Variants in MYOF observed in about 807,000 individuals in gnomAD.
MYOF encodes fer-1-like 3, myoferlin.
In MYOF, 244 loss-of-function variants were observed where a neutral mutation model predicts 284.2. The ratio of observed to expected loss-of-function variants is 0.86; its 90% CI spans 0.77 to 0.95. The LOEUF (loss-of-function observed/expected upper bound fraction) is 0.95. Ranked by LOEUF, MYOF falls within the 40% of genes least tolerant of loss-of-function variation. The pLI, the probability that MYOF is intolerant of heterozygous loss-of-function variation, is 0.00. For missense variants in MYOF, 2,496 were observed against 2,560.6 expected (o/e 0.97, Z 0.54); for synonymous variants, 904 against 919.7 (o/e 0.98, Z 0.31).
intron 51 of MYOF, 40 bp downstream of exon 51, chr10:93,312,980 G>A (rs1842459321): frequency 1.3e-6 from 2 of 1,562,084 alleles, no homozygotes; most frequent in Non-Finnish European, 1.7e-6. Context: ...ATGATAAAAG[G>A]CATAAACGAT....
chr10:93,463,578 T>C (rs2056934231), intron 1 of MYOF, among the ~76,000 whole-genome samples: 4 of 151,648 alleles, frequency 2.6e-5, no homozygotes, highest in Admixed American at 2.6e-4. Context: ...TTTTGTATTT[T>C]AGTAGAGATG....
chr10:93,352,849 A>G (rs1330692673), intron 32 of MYOF, among the ~76,000 whole-genome samples: 5 of 152,214 alleles, frequency 3.3e-5, no homozygotes, highest in African/African-American at 1.2e-4. Flanking sequence ...AAAATATTTG[A>G]AAATGTCTTC....
intron 36 of MYOF, among the ~76,000 whole-genome samples, 167 bp downstream of exon 36, chr10:93,349,641 C>T (rs1443523844): frequency 6.6e-6 from 1 of 152,122 alleles, no homozygotes; most frequent in Non-Finnish European, 1.5e-5. Context: ...ATCATCACTA[C>T]AGTGGGAGAA....
In MYOF at chr10:93,402,348, C is replaced by G; in HGVS notation, c.875-1G>C. 6.2e-6 allele frequency: 10 copies of G among 1,609,810 alleles called. No homozygotes were observed. The highest frequency in any genetic ancestry group is 8.5e-6 in the Non-Finnish European group (10 of 1,176,324). On this transcript the variant is annotated splice_acceptor_variant, in intron 10 of 53. Coordinates refer to ENST00000359263, the MANE Select transcript of MYOF (RefSeq NM_013451.4). LOFTEE classifies it high-confidence loss of function. The stretch of plus-strand genomic sequence containing the variant: ...AGCCACTTTCTCATGACAGCATGGC[C>G]TAAAATAGAGAAGGAGTAAAAGGAA...
At chr10:93,323,466 C>CTAAT (rs1463084834) in intron 46 of MYOF, 108 bp from the exon 47 acceptor site, 1 of 954,274 alleles carries the variant, frequency 1.0e-6, no homozygotes, top group African/African-American at 1.7e-5. Context: ...TTTGGTCTCT[C>CTAAT]TAATTTATTA....
chr10:93,310,416 C>G, intron 52 of MYOF, 118 bp downstream of exon 52: 2 of 1,088,572 alleles, frequency 1.8e-6, no homozygotes, highest in South Asian at 3.1e-5. Flanking sequence ...CCACCCACCA[C>G]TATTAAATAC....
chr10:93,465,584 G>A (rs1336317463), intron 1 of MYOF, among the ~76,000 whole-genome samples: 1 of 115,094 alleles, frequency 8.7e-6, no homozygotes. Context: ...GCACAATCTC[G>A]GCTCACTGCA....
intron 7 of MYOF, among the ~76,000 whole-genome samples, chr10:93,406,288 T>TTATTTATATATATATATATATATA (rs1554855590): frequency 2.2e-4 from 13 of 58,150 alleles, no homozygotes; most frequent in Middle Eastern, 0.01. Flanking sequence ...TAAACCTCTT[T>TTATTTATATATATATATATATATA]TATATATATA....
rs1847764699 is a variant in MYOF, at chr10:93,408,934, A to T, written c.601-19T>A. ...CGCGGATCTGCAGCACAGAAGGGGG[A>T]TGGTTACCCAACCTTTCCCAGCACG... On this transcript the variant is annotated intron_variant, in intron 6 of 53. Transcript: ENST00000359263. The T allele has an allele frequency of 6.2e-7, 1 of 1,613,268 alleles. No individual in the cohort carries two copies. Among genetic ancestry groups the T allele is most frequent in the South Asian group, 1.1e-5 (1 of 91,006 alleles).
At chr10:93,311,949 A>AATG (rs1213525066) in intron 51 of MYOF, among the ~76,000 whole-genome samples, 2 of 152,230 alleles carry the variant, frequency 1.3e-5, no homozygotes, top group African/African-American at 4.8e-5. Context: ...GGGAGGGAGC[A>AATG]ATGGACTGCA....
At position 93,456,876 on chromosome 10, in the gene MYOF, A is replaced by G. The variant is rs780353918; in HGVS notation, c.144+6T>C. The G allele has an allele frequency of 6.3e-7, 1 of 1,597,702 alleles. No homozygotes were observed. The highest frequency in any genetic ancestry group is 8.5e-7 in the Non-Finnish European group (1 of 1,170,234). Reference sequence around the variant, plus strand: ...TAAAACAAAGTTGAAAAAACAATGAAGTCACCTCATTCCAGACAGGGTTCA... The same window carrying G: ...TAAAACAAAGTTGAAAAAACAATGAGGTCACCTCATTCCAGACAGGGTTCA... On this transcript the variant is annotated splice_donor_region_variant and intron_variant, in intron 2 of 53. Transcript: ENST00000359263.
intron 23 of MYOF, among the ~76,000 whole-genome samples, chr10:93,373,507 G>A (rs1845687733): frequency 7.1e-6 from 1 of 141,146 alleles, no homozygotes; most frequent in African/African-American, 2.6e-5. Context: ...TATTAATTTT[G>A]TTTTCAAAAA....
intron 19 of MYOF, among the ~76,000 whole-genome samples, 171 bp downstream of exon 19, chr10:93,387,626 A>G (rs1846447264): frequency 6.6e-6 from 1 of 152,188 alleles, no homozygotes; most frequent in Non-Finnish European, 1.5e-5. Flanking sequence ...CCAGTTTTCA[A>G]TAGGGTATTA....
At chr10:93,375,858 G>A (rs1456982783) in intron 22 of MYOF, among the ~76,000 whole-genome samples, 1 of 152,162 alleles carries the variant, frequency 6.6e-6, no homozygotes, top group Non-Finnish European at 1.5e-5. Context: ...AAGGGTTCCT[G>A]AGAATGGCTG....
chr10:93,317,644 A>C (rs1478182163), intron 49 of MYOF, among the ~76,000 whole-genome samples: 1 of 152,158 alleles, frequency 6.6e-6, no homozygotes, highest in Non-Finnish European at 1.5e-5. Flanking sequence ...GAAACAAAAC[A>C]AAACAAAACA....
At chr10:93,414,122 C>T (rs930352198) in intron 5 of MYOF, among the ~76,000 whole-genome samples, 1 of 152,236 alleles carries the variant, frequency 6.6e-6, no homozygotes. Context: ...TCCTTCCTGT[C>T]TCTTCCTAGC....
chr10:93,418,709 G>A (rs895471906), intron 5 of MYOF, among the ~76,000 whole-genome samples: 1 of 152,144 alleles, frequency 6.6e-6, no homozygotes, highest in Non-Finnish European at 1.5e-5. Flanking sequence ...ATACAGACTC[G>A]GGGCTCCCCT....
chr10:93,363,189 G>C (rs1249157488), intron 27 of MYOF, among the ~76,000 whole-genome samples: 3 of 152,214 alleles, frequency 2.0e-5, no homozygotes, highest in Admixed American at 6.5e-5. Context: ...CTATGAAACT[G>C]TGTGTGCAAC....
At position 93,458,159 on chromosome 10, in the gene MYOF, C is replaced by T. The variant is rs1417540694; in HGVS notation, c.89-1222G>A. Among the ~76,000 whole-genome samples, 4 of 151,746 alleles carry T rather than the reference C, an allele frequency of 2.6e-5. No homozygotes were observed. The East Asian group carries it at 5.8e-4, about 22-fold the overall frequency. On this transcript the variant is annotated intron_variant, in intron 1 of 53. Coordinates refer to ENST00000359263, the MANE Select transcript of MYOF (RefSeq NM_013451.4). ...TTTGAGCCTAGGAGTTCAAGACCAG[C>T]GTAGGCAACATAATGAAACCCCATC...
Sources: gnomAD v4.1 joint callset for allele counts (sites outside exome capture counted in the v4.1 genomes callset) on GRCh38, gnomAD v4.1.1 for gene constraint, MANE v1.5 for transcripts, NCBI Gene and HGNC (gene_info 2026-07-23, HGNC 2026-07-21) for gene names.